The following PPP2R2C variants were observed in gnomAD, a reference collection of about 807,000 sequenced individuals.
The protein encoded by PPP2R2C is protein phosphatase 2 regulatory subunit Bgamma, also known as protein phosphatase 2, regulatory subunit B, gamma.
Under a neutral mutation model 45.3 loss-of-function variants are expected in PPP2R2C, and 10 were observed. The ratio of observed to expected loss-of-function variants is 0.22; its 90% CI spans 0.14 to 0.37. The LOEUF (loss-of-function observed/expected upper bound fraction) is 0.37. Ranked by LOEUF, PPP2R2C falls within the 10% of genes least tolerant of loss-of-function variation. The probability of loss-of-function intolerance (pLI) is 1.00; values close to 1 mark genes in which losing one functional copy is unlikely to be tolerated. For missense variants in PPP2R2C, 308 were observed against 619.7 expected (o/e 0.50, Z 5.34); for synonymous variants, 257 against 245.4 (o/e 1.05, Z -0.44).
At chr4:6,432,563 G>A (rs530188890) in intron 1 of PPP2R2C, among the ~76,000 whole-genome samples, 2 of 152,338 alleles carry the variant, frequency 1.3e-5, no homozygotes, top group East Asian at 3.9e-4. Flanking sequence ...AGTATTTCAG[G>A]ATAGAGGATT....
chr4:6,428,644 C>G (rs1371839792), intron 1 of PPP2R2C, among the ~76,000 whole-genome samples: 1 of 152,230 alleles, frequency 6.6e-6, no homozygotes, highest in African/African-American at 2.4e-5. Flanking sequence ...TTGGGGCAAA[C>G]TCAAGAGGGC....
chr4:6,403,563 G>C (rs972916747), intron 1 of PPP2R2C, among the ~76,000 whole-genome samples: 2 of 152,264 alleles, frequency 1.3e-5, no homozygotes, highest in African/African-American at 4.8e-5. Flanking sequence ...TCTTTAAAGA[G>C]CTTGGAACCT....
chr4:6,500,016 G>A (rs1464733840), intron 2 of PPP2R2C, among the ~76,000 whole-genome samples: 1 of 152,202 alleles, frequency 6.6e-6, no homozygotes, highest in African/African-American at 2.4e-5. Context: ...CACTAGTTGT[G>A]AGCTTCAGGA....
chr4:6,326,252 TAAG>T, intron 8 of PPP2R2C, among the ~76,000 whole-genome samples: 1 of 151,960 alleles, frequency 6.6e-6, no homozygotes, highest in South Asian at 2.1e-4. Flanking sequence ...GGCCAGTGTG[TAAG>T]AAGAAGCAGG....
upstream of PPP2R2C, among the ~76,000 whole-genome samples, chr4:6,473,872 G>A (rs531021287): frequency 2.0e-5 from 3 of 152,290 alleles, no homozygotes; most frequent in East Asian, 5.8e-4. Context: ...ATGGACCTAT[G>A]AGGAGATGAA....
In PPP2R2C at chr4:6,324,691, C is replaced by T. The variant is rs898325677; in HGVS notation, c.1053-1098G>A. Among the ~76,000 whole-genome samples the T allele has an allele frequency of 2.0e-5, 3 of 152,186 alleles. No homozygotes were observed. Among genetic ancestry groups the T allele is most frequent in the African/African-American group, 7.2e-5 (3 of 41,442 alleles). Reference sequence around the variant, plus strand: ...GCAGGGGCTCGCTGCCCTCACCGTCCCGCTAAAGAGAATTCCACACCATTT... The same window carrying T: ...GCAGGGGCTCGCTGCCCTCACCGTCTCGCTAAAGAGAATTCCACACCATTT... On this transcript the variant is annotated intron_variant, in intron 8 of 8. Transcript: ENST00000382599. The surrounding 1 kb of genome is among the most constrained non-coding windows in gnomAD (Gnocchi z 4.1).
At chr4:6,348,473 T>C (rs1712214126) in intron 5 of PPP2R2C, among the ~76,000 whole-genome samples, 1 of 152,124 alleles carries the variant, frequency 6.6e-6, no homozygotes. Flanking sequence ...TTTCAAATTG[T>C]GTCTGGAATT....
intron 2 of PPP2R2C, among the ~76,000 whole-genome samples, chr4:6,504,781 T>C (rs1723167113): frequency 6.6e-6 from 1 of 152,118 alleles, no homozygotes; most frequent in Admixed American, 6.5e-5. Flanking sequence ...GAAGTTAAAA[T>C]AATAACCCAG....
At chr4:6,357,703 G>A (rs1221262188) in intron 5 of PPP2R2C, among the ~76,000 whole-genome samples, 2 of 152,196 alleles carry the variant, frequency 1.3e-5, no homozygotes, top group Non-Finnish European at 2.9e-5. Flanking sequence ...CCCATCCACA[G>A]TACAAGGAGC....
At chr4:6,392,235 T>A (rs996205474) in intron 1 of PPP2R2C, among the ~76,000 whole-genome samples, 1 of 152,028 alleles carries the variant, frequency 6.6e-6, no homozygotes, top group African/African-American at 2.4e-5. Context: ...CAATAGAAAA[T>A]TTAATTAAAA....
At chr4:6,502,147 G>A (rs1470585315) in intron 2 of PPP2R2C, among the ~76,000 whole-genome samples, 1 of 152,172 alleles carries the variant, frequency 6.6e-6, no homozygotes, top group Non-Finnish European at 1.5e-5. Flanking sequence ...TCTTTTCCAT[G>A]TAAGAATAAG....
intron 1 of PPP2R2C, among the ~76,000 whole-genome samples, chr4:6,430,753 C>T (rs941456940): frequency 1.3e-5 from 2 of 151,970 alleles, no homozygotes; most frequent in Non-Finnish European, 2.9e-5. Flanking sequence ...GGTGAAACAC[C>T]GCCTCCACTA....
chr4:6,331,116 C>T lies in PPP2R2C; in HGVS notation c.961-1763G>A, dbSNP rs868775839. Among the ~76,000 whole-genome samples the T allele has an allele frequency of 3.8e-4, 58 of 152,264 alleles. 1 individual carries two copies. Among genetic ancestry groups the T allele is most frequent in the Middle Eastern group, 3.4e-3 (1 of 294 alleles). Reference sequence around the variant, plus strand: ...GGTTTTAGTGTTCGTGTCCCACCCCCGGCTCTGCATTTTTGTGTGTCCTCC... The same window carrying T: ...GGTTTTAGTGTTCGTGTCCCACCCCTGGCTCTGCATTTTTGTGTGTCCTCC... On this transcript the variant is annotated intron_variant, in intron 7 of 8. Transcript: ENST00000382599. The surrounding 1 kb of genome is among the most constrained non-coding windows in gnomAD (Gnocchi z 5.9).
chr4:6,365,397 C>T (rs189110169), intron 5 of PPP2R2C, among the ~76,000 whole-genome samples: 34 of 152,314 alleles, frequency 2.2e-4, no homozygotes, highest in Non-Finnish European at 2.9e-4. Flanking sequence ...GTAAGGTACC[C>T]GACAGTGGGT....
rs755975508 is a variant in PPP2R2C, at chr4:6,348,018, C to G, written c.626-8G>C. On this transcript the variant is annotated splice_region_variant and splice_polypyrimidine_tract_variant and intron_variant, in intron 5 of 8. Transcript: ENST00000382599. ...GCTTGATGTCCACGATGTCTGGGGG[C>G]AGTGCGGTCAAGGAAGGGGCAGTGA... 17 of 1,612,838 alleles carry G rather than the reference C, an allele frequency of 1.1e-5. No homozygotes were observed. Among genetic ancestry groups the G allele is most frequent in the Non-Finnish European group, 1.4e-5 (17 of 1,179,242 alleles).
Position 6,329,153 on chromosome 4 carries a change from G to T in PPP2R2C, c.1052+109C>A. 9.7e-7 allele frequency: 1 copy of T among 1,026,632 alleles called. No homozygotes were observed. Among genetic ancestry groups the T allele is most frequent in the Non-Finnish European group, 1.5e-6 (1 of 675,418 alleles). The allele number at this position is 1,026,632 out of a possible 1,614,324, so 63.6% of individuals were successfully genotyped here. On this transcript the variant is annotated intron_variant, in intron 8 of 8. Coordinates refer to ENST00000382599, the MANE Select transcript of PPP2R2C (RefSeq NM_020416.4). The surrounding 1 kb of genome is among the most constrained non-coding windows in gnomAD (Gnocchi z 5.8). ...CTTCACCCAGACACCTGGACCCATTGAGGCTGAGTAGCCCCATGCTGCGGG... is the reference window on the plus strand; with the variant it reads ...CTTCACCCAGACACCTGGACCCATTTAGGCTGAGTAGCCCCATGCTGCGGG...
intron 2 of PPP2R2C, among the ~76,000 whole-genome samples, chr4:6,514,548 AG>A (rs139082112): frequency 0.061 from 9,318 of 152,238 alleles, 486 homozygotes; most frequent in African/African-American, 0.15. Flanking sequence ...CACCTCCCAC[AG>A]GCTCTGAACT....
intron 2 of PPP2R2C, among the ~76,000 whole-genome samples, chr4:6,510,980 C>CAAAAAAAAAAAAA (rs752037080): frequency 4.4e-4 from 18 of 41,348 alleles, no homozygotes; most frequent in East Asian, 3.7e-3. Flanking sequence ...CCGTCTCAAA[C>CAAAAAAAAAAAAA]AAAAAAAAAC....
At position 6,332,363 on chromosome 4, in the gene PPP2R2C, G is replaced by T. The variant is rs1186459834; in HGVS notation, c.960+1199C>A. Among the ~76,000 whole-genome samples, 2 of 152,158 alleles carry T rather than the reference G, an allele frequency of 1.3e-5. No individual in the cohort carries two copies. Among genetic ancestry groups the T allele is most frequent in the African/African-American group, 4.8e-5 (2 of 41,436 alleles). The stretch of plus-strand genomic sequence containing the variant: ...CTGCCTGGGGTGTGCAGTGTGAGGA[G>T]GGGGCCTGAGGGAGGAGCTGGGGCA... On this transcript the variant is annotated intron_variant, in intron 7 of 8. Transcript: ENST00000382599. This position sits in a 1 kb window ranked among gnomAD's most constrained non-coding sequence, Gnocchi z 4.9.
Sources: allele counts gnomAD v4.1 joint callset (sites outside exome capture counted in the v4.1 genomes callset), GRCh38; gene constraint gnomAD v4.1.1; non-coding constraint Gnocchi (gnomAD v3.1); transcripts MANE v1.5; gene names NCBI Gene and HGNC (gene_info 2026-07-23, HGNC 2026-07-21).